TRAPPC9: variants seen among roughly 807,000 people sequenced by gnomAD.
TRAPPC9 encodes the protein trafficking protein particle complex subunit 9.
A neutral mutation model predicts 124.0 loss-of-function variants in TRAPPC9; 83 were observed. The ratio of observed to expected loss-of-function variants is 0.67; its 90% CI spans 0.56 to 0.80. The LOEUF is 0.80. Ranked by LOEUF, TRAPPC9 falls within the 30% of genes least tolerant of loss-of-function variation. TRAPPC9 has a pLI of 0.00. For missense variants in TRAPPC9, 1,302 were observed against 1,508.3 expected (o/e 0.86, Z 2.27); for synonymous variants, 638 against 617.5 (o/e 1.03, Z -0.49).
At chr8:140,457,033 C>T (rs930551108) in intron 1 of TRAPPC9, among the ~76,000 whole-genome samples, 4 of 152,198 alleles carry the variant, frequency 2.6e-5, no homozygotes, top group Non-Finnish European at 4.4e-5. Context: ...GCGCGCTTAT[C>T]CCAGAGAGCA....
At position 140,457,150 on chromosome 8, in the gene TRAPPC9, G is replaced by A. The variant is rs955522134; in HGVS notation, c.-11+489C>T. Among the ~76,000 whole-genome samples, 4 of 152,246 alleles carry A rather than the reference G, an allele frequency of 2.6e-5. No homozygotes were observed. In the East Asian group the frequency reaches 5.8e-4, roughly 22 times the overall value. On this transcript the variant is annotated intron_variant, in intron 1 of 22. Coordinates refer to ENST00000438773, the MANE Select transcript of TRAPPC9 (RefSeq NM_001160372.4). ...ACTCAGGGCGGGGAAAGCGCCGGGG[G>A]CGTGGGCTGTGCTGGGCCCCAGGCC...
At chr8:139,986,647 G>A (rs527641403) in intron 19 of TRAPPC9, among the ~76,000 whole-genome samples, 10 of 152,132 alleles carry the variant, frequency 6.6e-5, no homozygotes, top group East Asian at 3.9e-4. Context: ...ATCATGCCCC[G>A]ACCCCAAACC....
At chr8:140,333,338 T>C (rs1284599380) in intron 9 of TRAPPC9, among the ~76,000 whole-genome samples, 4 of 152,186 alleles carry the variant, frequency 2.6e-5, no homozygotes, top group African/African-American at 7.2e-5. Flanking sequence ...TATATGTAGA[T>C]AGCTAGATAT....
At chr8:140,268,828 G>A (rs2064779059) in intron 15 of TRAPPC9, among the ~76,000 whole-genome samples, 1 of 152,192 alleles carries the variant, frequency 6.6e-6, no homozygotes, top group Non-Finnish European at 1.5e-5. Context: ...GGGCTGGGGA[G>A]AGAAGACGAC....
chr8:140,043,368 G>A (rs935025105), intron 17 of TRAPPC9, among the ~76,000 whole-genome samples: 1 of 152,152 alleles, frequency 6.6e-6, no homozygotes, highest in African/African-American at 2.4e-5. Flanking sequence ...CAGAAAAAAA[G>A]CCCATTATTC....
At position 139,825,737 on chromosome 8, in the gene TRAPPC9, C is replaced by G. The variant is rs751772976; in HGVS notation, c.3055+60142G>C. On this transcript the variant is annotated intron_variant, in intron 21 of 22. Coordinates refer to ENST00000438773, the MANE Select transcript of TRAPPC9 (RefSeq NM_001160372.4). The surrounding 1 kb of genome is among the most constrained non-coding windows in gnomAD (Gnocchi z 4.6). ...GTGGAGGATACCGCCGAGCAGCCAGCTTGCCCGGAAGGAAAAAGGGAGGCA... is the reference window on the plus strand; with the variant it reads ...GTGGAGGATACCGCCGAGCAGCCAGGTTGCCCGGAAGGAAAAAGGGAGGCA... Among the ~76,000 whole-genome samples, 18 of 152,100 alleles carry G rather than the reference C, an allele frequency of 1.2e-4. No homozygotes were observed. Among genetic ancestry groups the G allele is most frequent in the Non-Finnish European group, 2.5e-4 (17 of 68,008 alleles).
At chr8:140,021,783 GGCCAATCCACTC>G (rs1401674162) in intron 18 of TRAPPC9, among the ~76,000 whole-genome samples, 1 of 152,156 alleles carries the variant, frequency 6.6e-6, no homozygotes, top group Non-Finnish European at 1.5e-5. Flanking sequence ...CCCACAGAAA[GGCCAATCCACTC>G]TGCCAAGTCA....
intron 17 of TRAPPC9, among the ~76,000 whole-genome samples, chr8:140,126,434 A>G (rs1216337295): frequency 6.6e-6 from 1 of 152,212 alleles, no homozygotes; most frequent in Non-Finnish European, 1.5e-5. Flanking sequence ...AGTTCTCTCA[A>G]GGAACGTCGG....
intron 19 of TRAPPC9, among the ~76,000 whole-genome samples, chr8:139,966,281 G>A (rs557652636): frequency 9.2e-5 from 14 of 152,276 alleles, no homozygotes; most frequent in Non-Finnish European, 1.9e-4. Flanking sequence ...CTGGGTTCCC[G>A]GCACACGGAG....
chr8:140,397,919 G>C (rs1414553538), intron 6 of TRAPPC9, among the ~76,000 whole-genome samples, 174 bp from the exon 7 acceptor site: 1 of 152,142 alleles, frequency 6.6e-6, no homozygotes, highest in East Asian at 1.9e-4. Flanking sequence ...ATCTCATCTT[G>C]AATTGTACTC....
At chr8:140,283,309 T>TC (rs1158978070) in intron 14 of TRAPPC9, among the ~76,000 whole-genome samples, 1 of 142,728 alleles carries the variant, frequency 7.0e-6, no homozygotes, top group East Asian at 2.0e-4. Context: ...TTTTTTTTTT[T>TC]TTTGAGACGG....
At chr8:139,887,301 A>G (rs1830074973) in intron 20 of TRAPPC9, among the ~76,000 whole-genome samples, 1 of 147,770 alleles carries the variant, frequency 6.8e-6, no homozygotes, top group African/African-American at 2.5e-5. Flanking sequence ...GCTCACTACA[A>G]CCTCCGCCTC....
chr8:140,192,922 C>T (rs1313285959), intron 17 of TRAPPC9, among the ~76,000 whole-genome samples: 2 of 152,170 alleles, frequency 1.3e-5, no homozygotes, highest in Non-Finnish European at 2.9e-5. Context: ...GGATTACAGG[C>T]ATCCACCATC....
At position 139,757,547 on chromosome 8, in the gene TRAPPC9, C is replaced by A. The variant is rs115862821; in HGVS notation, c.3056-25345G>T. ...TTTGGGTATGGGGACAGCGTGTCGC[C>A]GGAGGAGCCAGGGGGCGTGGGTATT... is the stretch of plus-strand genomic sequence containing the variant. On this transcript the variant is annotated intron_variant, in intron 21 of 22. Coordinates refer to ENST00000438773, the MANE Select transcript of TRAPPC9 (RefSeq NM_001160372.4). Among the ~76,000 whole-genome samples, 1,132 of 148,364 alleles carry A rather than the reference C, an allele frequency of 7.6e-3. 15 individuals are homozygous for A. The highest frequency in any genetic ancestry group is 0.027 in the African/African-American group (1,085 of 40,110).
intron 17 of TRAPPC9, among the ~76,000 whole-genome samples, chr8:140,204,983 C>T (rs1441388670): frequency 6.6e-6 from 1 of 152,150 alleles, no homozygotes; most frequent in Non-Finnish European, 1.5e-5. Flanking sequence ...GAAGGTTACG[C>T]TGGAGGAGCT....
At chr8:139,787,725 C>T (rs1033696373) in intron 21 of TRAPPC9, among the ~76,000 whole-genome samples, 2 of 152,176 alleles carry the variant, frequency 1.3e-5, no homozygotes, top group African/African-American at 2.4e-5. Context: ...CGTCCCTGTC[C>T]GGGGTCGGTG....
chr8:140,409,318 G>A lies in TRAPPC9; in HGVS notation c.887-3620C>T, dbSNP rs77232082. ...AAGCCTGACAACACACAGTGTTGGT[G>A]TATATATGTAGAAAACACTCGCATG... On this transcript the variant is annotated intron_variant, in intron 5 of 22. Coordinates refer to ENST00000438773, the MANE Select transcript of TRAPPC9 (RefSeq NM_001160372.4). Among the ~76,000 whole-genome samples, 1,441 of 152,244 alleles carry A rather than the reference G, an allele frequency of 9.5e-3. 23 individuals are homozygous for A. Among genetic ancestry groups the A allele is most frequent in the African/African-American group, 0.031 (1,289 of 41,538 alleles).
At chr8:139,856,098 C>T (rs552135148) in intron 21 of TRAPPC9, among the ~76,000 whole-genome samples, 3 of 152,258 alleles carry the variant, frequency 2.0e-5, no homozygotes, top group Admixed American at 6.5e-5. Flanking sequence ...ACCGAGGCAA[C>T]GCACACAGCC....
At chr8:140,317,416 T>G (rs2066469720) in intron 9 of TRAPPC9, among the ~76,000 whole-genome samples, 1 of 152,210 alleles carries the variant, frequency 6.6e-6, no homozygotes, top group Non-Finnish European at 1.5e-5. Flanking sequence ...CTTTGATCCC[T>G]TTGTTTCTGG....
Sources: gnomAD v4.1 joint callset for allele counts (sites outside exome capture counted in the v4.1 genomes callset) on GRCh38, gnomAD v4.1.1 for gene constraint, Gnocchi (gnomAD v3.1) non-coding constraint, MANE v1.5 for transcripts, NCBI Gene and HGNC (gene_info 2026-07-23, HGNC 2026-07-21) for gene names.